The following RPS6KA3 variants were observed in gnomAD, a reference collection of about 807,000 sequenced individuals.
The protein encoded by RPS6KA3 is ribosomal protein S6 kinase A3.
Under a neutral mutation model 67.2 loss-of-function variants are expected in RPS6KA3, and 4 were observed. That is an observed-to-expected ratio of 0.06 (90% CI 0.03 to 0.14). The LOEUF (loss-of-function observed/expected upper bound fraction) is 0.14, where lower values mean the gene tolerates loss of function less well. RPS6KA3 is among the 10% of genes least tolerant of loss of function. The pLI, the probability that RPS6KA3 is intolerant of heterozygous loss-of-function variation, is 1.00. For synonymous variants in RPS6KA3, 182 were observed against 183.7 expected, an observed-to-expected ratio of 0.99 and a Z score of 0.07; for missense variants, 204 against 559.0, an observed-to-expected ratio of 0.36 and a Z score of 6.40.
intron 16 of RPS6KA3, 130 bp from the exon 17 acceptor site, chrX:20,167,877 A>C: frequency 2.0e-6 from 1 of 493,453 alleles, no homozygotes; most frequent in Non-Finnish European, 3.5e-6. Context: ...ATTTATTTTG[A>C]GACAGACTCT....
chrX:20,241,994 T>C (rs1210796858), intron 1 of RPS6KA3, among the ~76,000 whole-genome samples: 1 of 111,520 alleles, frequency 9.0e-6, no homozygotes, highest in Non-Finnish European at 1.9e-5. Context: ...ATAAAGAATA[T>C]TGAGGTAGGA....
intron 3 of RPS6KA3, among the ~76,000 whole-genome samples, chrX:20,208,249 GTGCTCAAACGGCAA>G (rs761337094): frequency 9.0e-6 from 1 of 110,529 alleles, no homozygotes; most frequent in Non-Finnish European, 1.9e-5. Context: ...ACAGGAGGTG[GTGCTCAAACGGCAA>G]TGCTCACCCG....
Position 20,248,058 on chromosome X carries a change from T to C in RPS6KA3, c.70-13244A>G, listed in dbSNP as rs183528289. ...TTTGTCGCTATTATGAATGAGATCT[T>C]TTTTCCATTACAGTTTCTGTTTATG... is the stretch of plus-strand genomic sequence containing the variant. On this transcript the variant is annotated intron_variant, in intron 1 of 21. Coordinates refer to ENST00000379565, the MANE Select transcript of RPS6KA3 (RefSeq NM_004586.3). 3.6e-5 allele frequency among the ~76,000 whole-genome samples: 4 copies of C among 111,824 alleles called. No homozygotes were observed. The East Asian group carries it at 8.4e-4, about 23-fold the overall frequency.
At chrX:20,203,642 C>T (rs1399296943) in intron 4 of RPS6KA3, 1 of 130,746 alleles carries the variant, frequency 7.6e-6, no homozygotes, top group African/African-American at 3.2e-5. Flanking sequence ...TAAAAACTTA[C>T]TTGGAGACCA....
At chrX:20,259,864 G>C (rs1441340301) in intron 1 of RPS6KA3, among the ~76,000 whole-genome samples, 1 of 110,892 alleles carries the variant, frequency 9.0e-6, no homozygotes, top group African/African-American at 3.3e-5. Flanking sequence ...TTTGGAGGGG[G>C]GTGATTCTTG....
At chrX:20,253,118 G>C (rs1223007167) in intron 1 of RPS6KA3, among the ~76,000 whole-genome samples, 2 of 109,582 alleles carry the variant, frequency 1.8e-5, no homozygotes, top group Non-Finnish European at 3.8e-5. Flanking sequence ...CCACCCAGCA[G>C]GGGGAACCAA....
chrX:20,189,051 C>T (rs1296130300), intron 7 of RPS6KA3, among the ~76,000 whole-genome samples: 1 of 112,223 alleles, frequency 8.9e-6, no homozygotes, highest in Non-Finnish European at 1.9e-5. Flanking sequence ...TGGGATTACT[C>T]CCTAAGGTGT....
At position 20,209,366 on chromosome X, in the gene RPS6KA3, A is replaced by G. The variant is rs1603428240; in HGVS notation, c.165T>C (p.His55=). The change falls in exon 3 of 22, where the codon CAT becomes CAC. Residue 55 remains histidine (H), a synonymous_variant. Coordinates refer to ENST00000379565, the MANE Select transcript of RPS6KA3 (RefSeq NM_004586.3). The part of the protein sequence containing the change: ...VSIKEIAITH[H]VKEGHEKADP... The stretch of plus-strand genomic sequence containing the variant: ...CTGCCTTTTCATGTCCTTCCTTTAC[A>G]TGATGTGTGATTGCAATTTCTTTGA... 4 of 1,193,616 alleles carry G rather than the reference A, an allele frequency of 3.4e-6. No individual in the cohort carries two copies. The highest frequency in any genetic ancestry group is 4.5e-6 in the Non-Finnish European group (4 of 879,226).
chrX:20,244,713 C>T (rs1271896583), intron 1 of RPS6KA3, among the ~76,000 whole-genome samples: 3 of 112,407 alleles, frequency 2.7e-5, no homozygotes, highest in South Asian at 7.2e-4. Context: ...TTAGAGTTCA[C>T]GTACAAGCAT....
At chrX:20,162,587 T>G (rs758322653) in intron 19 of RPS6KA3, among the ~76,000 whole-genome samples, 1 of 108,862 alleles carries the variant, frequency 9.2e-6, no homozygotes, top group Non-Finnish European at 1.9e-5. Flanking sequence ...CTCATGCCTG[T>G]AATCTCAGCA....
intron 7 of RPS6KA3, among the ~76,000 whole-genome samples, chrX:20,188,999 G>A (rs766196452): frequency 8.0e-5 from 9 of 112,305 alleles, no homozygotes; most frequent in African/African-American, 2.9e-4. Context: ...GTCTTGAACT[G>A]CTGGGCTCAA....
At chrX:20,202,082 C>T (rs908315599) in intron 4 of RPS6KA3, among the ~76,000 whole-genome samples, 7 of 104,909 alleles carry the variant, frequency 6.7e-5, no homozygotes, top group Non-Finnish European at 1.2e-4. Context: ...CGTGTTTAAG[C>T]GATATTCCTG....
At chrX:20,186,394 GT>G in intron 9 of RPS6KA3, 28 bp from the exon 10 acceptor site, 1 of 911,432 alleles carries the variant, frequency 1.1e-6, no homozygotes, top group Non-Finnish European at 1.6e-6. Context: ...AATCAGAAGT[GT>G]TAGTCAATAA....
At chrX:20,176,586 T>C (rs779353871) in intron 11 of RPS6KA3, 88 bp from the exon 12 acceptor site, 2 of 548,072 alleles carry the variant, frequency 3.6e-6, no homozygotes, top group East Asian at 3.7e-5. Context: ...GTCTAATTAA[T>C]TAATTAATTA....
intron 1 of RPS6KA3, among the ~76,000 whole-genome samples, chrX:20,247,581 T>C (rs1335060047): frequency 5.5e-5 from 6 of 109,847 alleles, no homozygotes; most frequent in Non-Finnish European, 1.1e-4. Flanking sequence ...GGTCAGGAGA[T>C]CGAGACCATC....
intron 10 of RPS6KA3, among the ~76,000 whole-genome samples, chrX:20,179,638 A>G (rs2067792954): frequency 9.0e-6 from 1 of 111,635 alleles, no homozygotes. Flanking sequence ...GGAAGTAACT[A>G]GGGCTCTGAC....
At position 20,193,524 on chromosome X, in the gene RPS6KA3, T is replaced by G; in HGVS notation, c.556A>C (p.Ser186Arg). ...AAGTCTCTATAAATTATTCCCAGGC[T>G]ATGTAGATGGTCTAAAGCAAGTGCA... ...ELALALDHLHSLGIIYRDLKP... is the reference protein window; with the variant it reads ...ELALALDHLHRLGIIYRDLKP... Residue 186 changes from serine to arginine, a missense_variant, in exon 7 of 22, where the codon AGC (serine) becomes CGC (arginine). This residue lies in a region of RPS6KA3 where 76 missense variants were observed against 250.3 expected (regional missense o/e 0.30). Coordinates refer to ENST00000379565, the MANE Select transcript of RPS6KA3 (RefSeq NM_004586.3). 2 of 1,195,088 alleles carry G rather than the reference T, an allele frequency of 1.7e-6. No homozygotes were observed. The highest frequency in any genetic ancestry group is 2.3e-6 in the Non-Finnish European group (2 of 880,560).
At position 20,164,660 on chromosome X, in the gene RPS6KA3, C is replaced by T. The variant is rs1341913328; in HGVS notation, c.1764+239G>A. ...TTGGCCTCCCAAAGTGCTCGGATTA[C>T]AGGCATGAGCCACCATGCCCTGCCT... is the stretch of plus-strand genomic sequence containing the variant. On this transcript the variant is annotated intron_variant, in intron 18 of 21. Coordinates refer to ENST00000379565, the MANE Select transcript of RPS6KA3 (RefSeq NM_004586.3). Among the ~76,000 whole-genome samples the T allele has an allele frequency of 8.1e-5, 9 of 111,131 alleles. No homozygotes were observed. The East Asian group carries it at 2.3e-3, about 28-fold the overall frequency.
intron 15 of RPS6KA3, among the ~76,000 whole-genome samples, chrX:20,170,921 C>T (rs2067557336): frequency 9.1e-6 from 1 of 110,160 alleles, no homozygotes; most frequent in Non-Finnish European, 1.9e-5. Context: ...ACTACAGGCA[C>T]ATGTAGCCAC....
Sources: allele counts gnomAD v4.1 joint callset (sites outside exome capture counted in the v4.1 genomes callset), GRCh38; gene constraint gnomAD v4.1.1; regional missense constraint gnomAD v4.1.1; transcripts MANE v1.5; gene names NCBI Gene and HGNC (gene_info 2026-07-23, HGNC 2026-07-21).